The following STK32A variants were observed in gnomAD, a reference collection of about 807,000 sequenced individuals.
The protein encoded by STK32A is serine/threonine kinase 32A.
In STK32A, 41 loss-of-function variants were observed where a neutral mutation model predicts 53.2. The observed-to-expected ratio is 0.77, with a 90% CI of 0.60 to 1.00. The LOEUF (loss-of-function observed/expected upper bound fraction) is 1.00. Ranked by LOEUF, STK32A falls within the 50% of genes least tolerant of loss-of-function variation. STK32A has a pLI of 0.00. For synonymous variants in STK32A, 166 were observed against 162.8 expected, an observed-to-expected ratio of 1.02 and a Z score of -0.15; for missense variants, 458 against 485.8, an observed-to-expected ratio of 0.94 and a Z score of 0.54.
rs1055966015 is a variant in STK32A at position 147,324,072 on chromosome 5, G to C, written c.434+1G>C. On this transcript the variant is annotated splice_donor_variant, in intron 5 of 12. Transcript: ENST00000397936. LOFTEE classifies it high-confidence loss of function. ...TGCAGAACCAGCGCATCATTCACAG[G>C]TCAGTCAAGTCCAAGGAGATGGCCA... 3.8e-6 allele frequency: 6 copies of C among 1,598,710 alleles called. No homozygotes were observed. Among genetic ancestry groups the C allele is most frequent in the Non-Finnish European group, 5.1e-6 (6 of 1,172,676 alleles).
intron 9 of STK32A, among the ~76,000 whole-genome samples, chr5:147,371,643 A>C (rs182500471): frequency 2.0e-3 from 306 of 152,284 alleles, no homozygotes; most frequent in Non-Finnish European, 3.2e-3. Context: ...ACTTGAGAGA[A>C]GCATTTAGAA....
At chr5:147,366,271 G>A (rs771530263) in intron 8 of STK32A, among the ~76,000 whole-genome samples, 9 of 151,856 alleles carry the variant, frequency 5.9e-5, no homozygotes, top group African/African-American at 2.2e-4. Flanking sequence ...TTGTTCCTTC[G>A]CCTATAAAGA....
the STK32A span, chr5:147,398,984 T>G: frequency 2.0e-6 from 3 of 1,490,120 alleles, no homozygotes; most frequent in South Asian, 4.0e-5. Flanking sequence ...CCCGTCCTAG[T>G]CTAACTACCC....
chr5:147,261,376 C>T (rs1401562728), intron 2 of STK32A, among the ~76,000 whole-genome samples: 1 of 152,104 alleles, frequency 6.6e-6, no homozygotes, highest in Non-Finnish European at 1.5e-5. Flanking sequence ...TGCATGTGGC[C>T]CTTGCTGCTG....
intron 7 of STK32A, 49 bp from the exon 8 acceptor site, chr5:147,361,468 T>C (rs2151998320): frequency 8.3e-7 from 1 of 1,208,068 alleles, no homozygotes; most frequent in Non-Finnish European, 1.2e-6. Flanking sequence ...GAAAATATAA[T>C]ACTAATGTCT....
chr5:147,285,882 G>T (rs1752306677), intron 4 of STK32A, among the ~76,000 whole-genome samples: 1 of 152,102 alleles, frequency 6.6e-6, no homozygotes, highest in African/African-American at 2.4e-5. Context: ...AAAACAGTGT[G>T]GAAATTACTT....
chr5:147,371,612 C>T (rs1435999172), intron 9 of STK32A, among the ~76,000 whole-genome samples: 1 of 152,158 alleles, frequency 6.6e-6, no homozygotes, highest in Non-Finnish European at 1.5e-5. Context: ...ATTTTTTCTG[C>T]AGGTCTATTG....
intron 5 of STK32A, among the ~76,000 whole-genome samples, chr5:147,340,731 T>C (rs75053824): frequency 1.3e-5 from 2 of 152,212 alleles, no homozygotes; most frequent in African/African-American, 4.8e-5. Context: ...ATTTTTCTCA[T>C]ATTCTTTCTC....
intron 10 of STK32A, among the ~76,000 whole-genome samples, chr5:147,374,544 A>G (rs1004029930): frequency 5.3e-5 from 8 of 152,108 alleles, no homozygotes; most frequent in African/African-American, 1.9e-4. Flanking sequence ...ACATGACACA[A>G]TGAAGGTCTA....
At chr5:147,316,511 G>A (rs1753996453) in intron 4 of STK32A, among the ~76,000 whole-genome samples, 1 of 152,102 alleles carries the variant, frequency 6.6e-6, no homozygotes, top group Non-Finnish European at 1.5e-5. Context: ...TGAACATTAT[G>A]AACTGAACAT....
At chr5:147,312,499 T>C (rs1284098450) in intron 4 of STK32A, among the ~76,000 whole-genome samples, 1 of 152,232 alleles carries the variant, frequency 6.6e-6, no homozygotes, top group Non-Finnish European at 1.5e-5. Flanking sequence ...TCCACATTTA[T>C]GAATTTTAGA....
At chr5:147,303,537 G>C (rs760564532) in intron 4 of STK32A, among the ~76,000 whole-genome samples, 1 of 152,226 alleles carries the variant, frequency 6.6e-6, no homozygotes, top group South Asian at 2.1e-4. Flanking sequence ...AGATTCAAGG[G>C]GTGTAGAAAT....
At chr5:147,341,438 C>T (rs1236456370) in intron 5 of STK32A, among the ~76,000 whole-genome samples, 1 of 152,180 alleles carries the variant, frequency 6.6e-6, no homozygotes, top group Non-Finnish European at 1.5e-5. Context: ...AATCAAGAAA[C>T]CATCCCTGAC....
chr5:147,238,827 A>T (rs1029085570), intron 1 of STK32A, among the ~76,000 whole-genome samples: 1 of 151,788 alleles, frequency 6.6e-6, no homozygotes, highest in African/African-American at 2.4e-5. Context: ...TATATATATA[A>T]ATGTTGTATA....
intron 4 of STK32A, among the ~76,000 whole-genome samples, chr5:147,292,721 C>A (rs1016036214): frequency 6.6e-6 from 1 of 152,004 alleles, no homozygotes; most frequent in South Asian, 2.1e-4. Flanking sequence ...ATTAGCCAGA[C>A]GTGGTGGCAC....
rs565829117 is a variant in STK32A, at chr5:147,310,485, T to C, written c.261-13413T>C. On this transcript the variant is annotated intron_variant, in intron 4 of 12. Coordinates refer to ENST00000397936, the MANE Select transcript of STK32A (RefSeq NM_001112724.2). Reference sequence around the variant, plus strand: ...TCTCTCCGCTCTGGAGAAGAGCCAGTCACAATGTATGACTCAGCACGCCGG... The same window carrying C: ...TCTCTCCGCTCTGGAGAAGAGCCAGCCACAATGTATGACTCAGCACGCCGG... Among the ~76,000 whole-genome samples the C allele has an allele frequency of 3.5e-3, 527 of 152,206 alleles. 1 individual carries two copies. The highest frequency in any genetic ancestry group is 0.012 in the African/African-American group (497 of 41,526).
chr5:147,257,526 G>A (rs148273941), intron 2 of STK32A, among the ~76,000 whole-genome samples: 2 of 152,146 alleles, frequency 1.3e-5, no homozygotes, highest in African/African-American at 4.8e-5. Context: ...TAATAGAATA[G>A]ATAAAAGAGA....
chr5:147,298,466 T>C (rs1752973282), intron 4 of STK32A, among the ~76,000 whole-genome samples: 1 of 152,222 alleles, frequency 6.6e-6, no homozygotes. Context: ...CATTGTCAGT[T>C]GGAATCATTC....
At chr5:147,339,634 G>T (rs925584327) in intron 5 of STK32A, among the ~76,000 whole-genome samples, 4 of 152,256 alleles carry the variant, frequency 2.6e-5, no homozygotes, top group Non-Finnish European at 5.9e-5. Flanking sequence ...CAGGAAGGGG[G>T]CTGCACCCTG....
Sources: gnomAD v4.1 joint callset for allele counts (sites outside exome capture counted in the v4.1 genomes callset) on GRCh38, gnomAD v4.1.1 for gene constraint, MANE v1.5 for transcripts, NCBI Gene and HGNC (gene_info 2026-07-23, HGNC 2026-07-21) for gene names.